AFF3: variants seen among roughly 807,000 people sequenced by gnomAD.
The protein encoded by AFF3 is AF4/FMR2 family member 3.
A neutral mutation model predicts 129.7 loss-of-function variants in AFF3; 32 were observed. That is an observed-to-expected ratio of 0.25 (90% CI 0.19 to 0.33). The LOEUF is 0.33. Among genes scored for constraint, AFF3 ranks in the 10% least tolerant of loss-of-function variants. The pLI is 1.00. For missense variants in AFF3, 1,373 were observed against 1,592.0 expected, an observed-to-expected ratio of 0.86 and a Z score of 2.34; for synonymous variants, 644 against 635.4, an observed-to-expected ratio of 1.01 and a Z score of -0.20.
chr2:100,141,041 A>G (rs1358511896), intron 1 of AFF3, among the ~76,000 whole-genome samples: 1 of 152,306 alleles, frequency 6.6e-6, no homozygotes, highest in South Asian at 2.1e-4. Flanking sequence ...AGCCCTTTCA[A>G]TGTTCCAGGC....
intron 7 of AFF3, among the ~76,000 whole-genome samples, chr2:99,911,710 C>T (rs148197831): frequency 2.6e-4 from 40 of 152,252 alleles, no homozygotes; most frequent in East Asian, 2.5e-3. Flanking sequence ...CAGTGGTAAA[C>T]GAATGGCAGC....
chr2:100,135,507 G>A (rs1207990277), intron 1 of AFF3, among the ~76,000 whole-genome samples: 1 of 152,284 alleles, frequency 6.6e-6, no homozygotes, highest in Admixed American at 6.5e-5. Flanking sequence ...GAGAGCCTGG[G>A]AGAATGAGAT....
At chr2:99,827,388 G>A (rs1338616081) in intron 8 of AFF3, among the ~76,000 whole-genome samples, 1 of 152,116 alleles carries the variant, frequency 6.6e-6, no homozygotes, top group Admixed American at 6.5e-5. Context: ...GACACCAAGG[G>A]CATGAGCATT....
chr2:99,880,559 G>A (rs548534462), intron 7 of AFF3, among the ~76,000 whole-genome samples: 9 of 152,202 alleles, frequency 5.9e-5, no homozygotes, highest in Non-Finnish European at 1.2e-4. Context: ...ATGCCATAGC[G>A]TGGAGAATCC....
At chr2:99,916,289 T>A (rs559358638) in intron 7 of AFF3, among the ~76,000 whole-genome samples, 1 of 152,338 alleles carries the variant, frequency 6.6e-6, no homozygotes, top group South Asian at 2.1e-4. Context: ...CTGCCTGGAC[T>A]ATCACCTCAT....
chr2:99,970,590 C>T lies in AFF3; in HGVS notation c.873+36042G>A, dbSNP rs138316084. Among the ~76,000 whole-genome samples, 1,041 of 152,344 alleles carry T rather than the reference C, an allele frequency of 6.8e-3. 6 individuals are homozygous for T. The highest frequency in any genetic ancestry group is 0.02 in the Middle Eastern group (6 of 294). On this transcript the variant is annotated intron_variant, in intron 7 of 24. Coordinates refer to ENST00000672756, the MANE Select transcript of AFF3 (RefSeq NM_001386135.1). The stretch of plus-strand genomic sequence containing the variant: ...CTTCACCACAGAAACGAGCCTTCCT[C>T]ATAGCCTCTCCAGGCATGGGACAGT...
intron 4 of AFF3, among the ~76,000 whole-genome samples, chr2:100,042,853 T>C (rs1280134302): frequency 1.3e-5 from 2 of 152,246 alleles, no homozygotes; most frequent in Non-Finnish European, 2.9e-5. Flanking sequence ...TTTGCAATTC[T>C]TAAACTAAGA....
intron 8 of AFF3, among the ~76,000 whole-genome samples, chr2:99,788,888 T>C (rs1286512223): frequency 1.3e-5 from 2 of 152,196 alleles, no homozygotes; most frequent in African/African-American, 4.8e-5. Context: ...TAGATACATA[T>C]ATAGTTATCA....
At chr2:99,890,945 G>C (rs1328041352) in intron 7 of AFF3, among the ~76,000 whole-genome samples, 1 of 152,206 alleles carries the variant, frequency 6.6e-6, no homozygotes, top group East Asian at 1.9e-4. Flanking sequence ...TTCATGTGTG[G>C]TGAGGCCAAC....
At chr2:99,797,907 A>G (rs548544063) in intron 8 of AFF3, among the ~76,000 whole-genome samples, 92 of 152,286 alleles carry the variant, frequency 6.0e-4, no homozygotes, top group African/African-American at 2.2e-3. Flanking sequence ...GGAAAATGTT[A>G]AAGGAAGCCC....
At position 99,593,353 on chromosome 2, in the gene AFF3, T is replaced by G. The variant is rs1326460141; in HGVS notation, c.2308A>C (p.Ile770Leu). Residue 770 changes from isoleucine (I) to leucine (L), a missense_variant, in exon 15 of 25, where the codon ATC (isoleucine) becomes CTC (leucine). This residue lies in a region of AFF3 where 466 missense variants were observed against 505.0 expected (regional missense o/e 0.92). Transcript: ENST00000672756. ...ATCCTGGACAGGAGGGTCAGGTCGA[T>G]TTTGACCCAGAGAGACCTGATCTCA... is the stretch of plus-strand genomic sequence containing the variant. Reference protein sequence around the residue: ...SDEIRSLWVKIDLTLLSRIPE... With the variant: ...SDEIRSLWVKLDLTLLSRIPE... 1 of 1,613,870 alleles carries G rather than the reference T, an allele frequency of 6.2e-7. No homozygotes were observed. The highest frequency in any genetic ancestry group is 8.5e-7 in the Non-Finnish European group (1 of 1,179,980).
intron 8 of AFF3, among the ~76,000 whole-genome samples, chr2:99,822,007 C>T (rs552982268): frequency 1.3e-5 from 2 of 152,202 alleles, no homozygotes; most frequent in East Asian, 3.9e-4. Context: ...GAATTTATTC[C>T]TTCTTACATT....
intron 7 of AFF3, among the ~76,000 whole-genome samples, chr2:99,887,335 A>G (rs1013238652): frequency 6.6e-6 from 1 of 152,216 alleles, no homozygotes; most frequent in Non-Finnish European, 1.5e-5. Context: ...TAGGAGGGGG[A>G]AAACCTTATT....
At chr2:99,622,576 C>T (rs923851385) in intron 13 of AFF3, among the ~76,000 whole-genome samples, 3 of 152,176 alleles carry the variant, frequency 2.0e-5, no homozygotes, top group African/African-American at 7.2e-5. Flanking sequence ...TCTGCGACTC[C>T]CAGCTCCACC....
chr2:99,695,077 C>T (rs1676062800), intron 11 of AFF3, among the ~76,000 whole-genome samples: 1 of 152,004 alleles, frequency 6.6e-6, no homozygotes, highest in African/African-American at 2.4e-5. Context: ...TTCACTCAAT[C>T]CAATATGTTG....
At chr2:100,124,476 T>C (rs1166439217) in intron 2 of AFF3, among the ~76,000 whole-genome samples, 1 of 152,238 alleles carries the variant, frequency 6.6e-6, no homozygotes, top group Non-Finnish European at 1.5e-5. Context: ...TCAGAAAGTT[T>C]ATTTTTTATA....
chr2:100,034,225 G>C (rs781372641), intron 4 of AFF3, among the ~76,000 whole-genome samples: 26 of 152,078 alleles, frequency 1.7e-4, no homozygotes, highest in Non-Finnish European at 3.1e-4. Flanking sequence ...TATTCAACTT[G>C]TCAATCAGAA....
chr2:99,546,054 A>T lies in AFF3; in HGVS notation c.*5420T>A, dbSNP rs1674064902. The T allele has an allele frequency of 4.4e-6, 1 of 226,558 alleles. No homozygotes were observed. Among genetic ancestry groups the T allele is most frequent in the South Asian group, 1.8e-4 (1 of 5,462 alleles). 14.0% of individuals were successfully genotyped at this position (226,558 alleles called of 1,614,324 possible). A position where few individuals can be genotyped will look rare whatever the true frequency, so the allele number is the denominator to read the frequency against. ...TGAGAATGGGAAAATGAGGACATAA[A>T]CTCTGGTTCCAAATGGTTGGAAGTG... On this transcript the variant is annotated 3_prime_UTR_variant, in exon 25 of 25. Coordinates refer to ENST00000672756, the MANE Select transcript of AFF3 (RefSeq NM_001386135.1).
chr2:99,588,629 C>CT (rs1178759788), intron 15 of AFF3, among the ~76,000 whole-genome samples: 1 of 151,950 alleles, frequency 6.6e-6, no homozygotes, highest in Non-Finnish European at 1.5e-5. Flanking sequence ...GAGAAAGACT[C>CT]TGACTTTCTC....
Sources: allele counts gnomAD v4.1 joint callset (sites outside exome capture counted in the v4.1 genomes callset), GRCh38; gene constraint gnomAD v4.1.1; regional missense constraint gnomAD v4.1.1; transcripts MANE v1.5; gene names NCBI Gene and HGNC (gene_info 2026-07-23, HGNC 2026-07-21).